TACC2: variants seen among roughly 807,000 people sequenced by gnomAD.
The protein encoded by TACC2 is transforming acidic coiled-coil containing protein 2.
Under a neutral mutation model 227.3 loss-of-function variants are expected in TACC2, and 137 were observed. That is an observed-to-expected ratio of 0.60 (90% CI 0.52 to 0.69). The LOEUF is 0.69. Among genes scored for constraint, TACC2 ranks in the 30% least tolerant of loss-of-function variants. The pLI is 0.00. For missense variants in TACC2, 3,470 were observed against 3,694.4 expected (o/e 0.94, Z 1.57); for synonymous variants, 1,523 against 1,487.5 (o/e 1.02, Z -0.55).
At chr10:122,107,205 A>G (rs749489676) in intron 5 of TACC2, among the ~76,000 whole-genome samples, 10 of 152,156 alleles carry the variant, frequency 6.6e-5, no homozygotes, top group African/African-American at 1.4e-4. Context: ...CTTCGATTCA[A>G]TTTCTCCAAG....
intron 5 of TACC2, among the ~76,000 whole-genome samples, chr10:122,110,104 C>T (rs2083408922): frequency 6.6e-6 from 1 of 152,184 alleles, no homozygotes; most frequent in South Asian, 2.1e-4. Context: ...AGCTACTGTA[C>T]TAGGGCCTTG....
rs935241255 is a variant in TACC2 at position 122,180,559 on chromosome 10, C to G, written c.5835-14481C>G. On this transcript the variant is annotated intron_variant, in intron 7 of 22. Transcript: ENST00000369005. The surrounding 1 kb of genome is among the most constrained non-coding windows in gnomAD (Gnocchi z 4.5). ...TTCACCATGTTAGCCAGGATGGTCT[C>G]GATCTCCTGACCTTGTGATCCACCT... is the stretch of plus-strand genomic sequence containing the variant. Among the ~76,000 whole-genome samples, 2 of 151,994 alleles carry G rather than the reference C, an allele frequency of 1.3e-5. No individual in the cohort carries two copies. The highest frequency in any genetic ancestry group is 4.8e-5 in the African/African-American group (2 of 41,380).
intron 2 of TACC2, among the ~76,000 whole-genome samples, chr10:122,033,352 G>A (rs1439158261): frequency 6.6e-6 from 1 of 152,178 alleles, no homozygotes; most frequent in Non-Finnish European, 1.5e-5. Context: ...GATTTTTTAG[G>A]ATAGTATTTT....
chr10:122,039,968 A>G (rs1364399917), intron 2 of TACC2, among the ~76,000 whole-genome samples: 1 of 135,082 alleles, frequency 7.4e-6, no homozygotes, highest in Non-Finnish European at 1.6e-5. Context: ...AGCTGGGGCC[A>G]TGGAGCCTCA....
At chr10:122,107,376 G>A (rs2082937929) in intron 5 of TACC2, among the ~76,000 whole-genome samples, 1 of 152,078 alleles carries the variant, frequency 6.6e-6, no homozygotes, top group Admixed American at 6.6e-5. Context: ...ATCACTTGAG[G>A]TCAGGAGTTC....
At chr10:122,004,163 C>T (rs140318865) in intron 1 of TACC2, among the ~76,000 whole-genome samples, 6 of 151,978 alleles carry the variant, frequency 3.9e-5, no homozygotes, top group Admixed American at 6.5e-5. Context: ...TTTGGGAGGC[C>T]GAGGTGGGTG....
At chr10:122,053,574 T>C (rs1427747047) in intron 3 of TACC2, among the ~76,000 whole-genome samples, 1 of 152,128 alleles carries the variant, frequency 6.6e-6, no homozygotes, top group Non-Finnish European at 1.5e-5. Flanking sequence ...CCCCTCAGGC[T>C]GAGGGACTGT....
chr10:121,998,410 T>A (rs1016541913), intron 1 of TACC2, among the ~76,000 whole-genome samples: 1 of 152,128 alleles, frequency 6.6e-6, no homozygotes, highest in Admixed American at 6.5e-5. Context: ...GTCCTAGGGT[T>A]CTTAATTCAG....
intron 5 of TACC2, among the ~76,000 whole-genome samples, chr10:122,113,851 C>T (rs1338718812): frequency 1.3e-5 from 2 of 152,228 alleles, no homozygotes; most frequent in Non-Finnish European, 2.9e-5. Flanking sequence ...TCCTTGGCTC[C>T]CGCCGCAGAG....
chr10:122,021,893 C>A, intron 1 of TACC2, 44 bp from the exon 2 acceptor site: 2 of 1,247,694 alleles, frequency 1.6e-6, no homozygotes, highest in Non-Finnish European at 2.3e-6. Context: ...AACCTCAGAT[C>A]TTTTTTCATT....
At chr10:122,246,693 C>T (rs1174720685) in intron 19 of TACC2, 1 of 152,292 alleles carries the variant, frequency 6.6e-6, no homozygotes, top group Non-Finnish European at 1.5e-5. Context: ...TCAAGACATC[C>T]TGTATGCCCG....
At chr10:121,996,495 A>G (rs1416322316) in intron 1 of TACC2, among the ~76,000 whole-genome samples, 1 of 152,210 alleles carries the variant, frequency 6.6e-6, no homozygotes, top group Non-Finnish European at 1.5e-5. Context: ...AATGCTGGGG[A>G]TCACATTTCA....
rs368131504 is a variant in TACC2 at position 121,989,482 on chromosome 10, G to A, written c.-52G>A. ...TCAGATTCCCTACTGGTAACAGCTG[G>A]AGTGCGGTAAGTAAGGAGGAGAGGG... is the stretch of plus-strand genomic sequence containing the variant. On this transcript the variant is annotated 5_prime_UTR_variant, in exon 1 of 23. Transcript: ENST00000369005. 6.6e-6 allele frequency: 1 copy of A among 152,206 alleles called. No homozygotes were observed. Among genetic ancestry groups the A allele is most frequent in the African/African-American group, 2.4e-5 (1 of 41,450 alleles). The allele number at this position is 152,206 out of a possible 1,614,324, so 9.4% of individuals were successfully genotyped here. A position where few individuals can be genotyped will look rare whatever the true frequency, so the allele number is the denominator to read the frequency against.
At chr10:122,156,538 T>C (rs2092491321) in intron 7 of TACC2, among the ~76,000 whole-genome samples, 1 of 152,224 alleles carries the variant, frequency 6.6e-6, no homozygotes, top group Admixed American at 6.5e-5. Flanking sequence ...GGGTCACTCT[T>C]TCATAAACAG....
At chr10:122,140,118 G>A (rs2139123567) in intron 6 of TACC2, among the ~76,000 whole-genome samples, 1 of 152,314 alleles carries the variant, frequency 6.6e-6, no homozygotes, top group East Asian at 1.9e-4. Context: ...TGGGCAGTGG[G>A]ACCAGTTGTT....
chr10:122,107,877 TATATTTTTTTTTTCTTTTTTC>T (rs2083034342), intron 5 of TACC2, among the ~76,000 whole-genome samples: 1 of 89,594 alleles, frequency 1.1e-5, no homozygotes. Flanking sequence ...TATATATATA[TATATTTTTTTTTTCTTTTTTC>T]TTTTTTTTTT....
intron 9 of TACC2, among the ~76,000 whole-genome samples, chr10:122,212,316 C>G (rs1248169011): frequency 2.0e-5 from 3 of 152,182 alleles, no homozygotes; most frequent in Admixed American, 6.5e-5. Context: ...CCTGCAAGTT[C>G]TGAAGAGATA....
At position 122,085,195 on chromosome 10, in the gene TACC2, T is replaced by A. The variant is rs369006789; in HGVS notation, c.2695T>A (p.Ser899Thr). ...TGGAGGACAGGAGCAGGCTTTGGGATCAGAACTTCAAAGTCAGCTCCCCAA... is the reference window on the plus strand; with the variant it reads ...TGGAGGACAGGAGCAGGCTTTGGGAACAGAACTTCAAAGTCAGCTCCCCAA... ...THGGQEQALG[S>T]ELQSQLPKGT... Residue 899 changes from serine to threonine, a missense_variant, in exon 4 of 23, where the codon TCA becomes ACA. Ser to Thr is a moderately conservative substitution (Grantham distance 58). This residue lies in a region of TACC2 where 1,924 missense variants were observed against 1,978.3 expected (regional missense o/e 0.97). Coordinates refer to ENST00000369005, the MANE Select transcript of TACC2 (RefSeq NM_206862.4). 25 of 1,613,820 alleles carry A rather than the reference T, an allele frequency of 1.5e-5. No individual in the cohort carries two copies. The highest frequency in any genetic ancestry group is 1.9e-5 in the Non-Finnish European group (23 of 1,180,014).
At chr10:121,993,548 A>G (rs1380693649) in intron 1 of TACC2, among the ~76,000 whole-genome samples, 1 of 152,144 alleles carries the variant, frequency 6.6e-6, no homozygotes, top group East Asian at 1.9e-4. Context: ...TTAGGTTTAG[A>G]TCATTGCCTT....
Sources: gnomAD v4.1 joint callset for allele counts (sites outside exome capture counted in the v4.1 genomes callset) on GRCh38, gnomAD v4.1.1 for gene constraint, gnomAD v4.1.1 regional missense constraint, Gnocchi (gnomAD v3.1) non-coding constraint, MANE v1.5 for transcripts, NCBI Gene and HGNC (gene_info 2026-07-23, HGNC 2026-07-21) for gene names.